The following ZNF615 variants were observed in gnomAD, a reference collection of about 807,000 sequenced individuals.
ZNF615 encodes the protein zinc finger protein 615.
Under a neutral mutation model 15.3 loss-of-function variants are expected in ZNF615, and 15 were observed. The ratio of observed to expected loss-of-function variants is 0.98; its 90% CI spans 0.66 to 1.51. The LOEUF is 1.51. ZNF615 is among the 40% of genes most tolerant of loss of function. The probability of loss-of-function intolerance (pLI) is 0.00; values close to 1 mark genes in which losing one functional copy is unlikely to be tolerated. For synonymous variants in ZNF615, 268 were observed against 294.6 expected (o/e 0.91, Z 0.92); for missense variants, 848 against 895.9 (o/e 0.95, Z 0.68).
Position 51,992,993 on chromosome 19 carries a change from G to A in ZNF615, c.2116C>T (p.Leu706Phe). The stretch of plus-strand genomic sequence containing the variant: ...GTATGTTTTCTTTGATGAACATTGA[G>A]CCCTGATTTTGTAGTGAAGGCTTTC... The part of the protein sequence containing the change: ...CGKAFTTKSG[L>F]NVHQRKHTGE... The change falls in exon 7 of 7, where the codon CTC becomes TTC. Residue 706 changes from leucine (L) to phenylalanine (F), a missense_variant. Leu to Phe is a conservative substitution (Grantham distance 22, BLOSUM62 0). Transcript: ENST00000598071. 2 of 1,614,140 alleles carry A rather than the reference G, an allele frequency of 1.2e-6. No individual in the cohort carries two copies. The highest frequency in any genetic ancestry group is 2.2e-5 in the South Asian group (2 of 91,078).
At chr19:52,008,105 C>T in intron 1 of ZNF615, 36 bp downstream of exon 1, 1 of 1,532,086 alleles carries the variant, frequency 6.5e-7, no homozygotes, top group Non-Finnish European at 8.7e-7. Context: ...ATTTCCTCCC[C>T]CGTCACCACA....
At position 52,007,288 on chromosome 19, in the gene ZNF615, C is replaced by T. The variant is rs2123097927; in HGVS notation, c.-190+5G>A. On this transcript the variant is annotated splice_donor_5th_base_variant and intron_variant, in intron 2 of 6. Coordinates refer to ENST00000598071, the MANE Select transcript of ZNF615 (RefSeq NM_001199324.2). ...CAAAGGTTATCTTTGAGTAACCGAG[C>T]TTACCATGGCAGAGATGTTATCTTA... is the stretch of plus-strand genomic sequence containing the variant. The T allele has an allele frequency of 7.8e-7, 1 of 1,288,204 alleles. No homozygotes were observed. The highest frequency in any genetic ancestry group is 5.6e-5 in the East Asian group (1 of 17,998). 79.8% of individuals were successfully genotyped at this position (1,288,204 alleles called of 1,614,324 possible).
Position 51,993,443 on chromosome 19 carries a change from A to G in ZNF615, c.1666T>C (p.Cys556Arg). The change falls in exon 7 of 7, where the codon TGT (cysteine) becomes CGT (arginine). Residue 556 changes from cysteine to arginine, a missense_variant. Coordinates refer to ENST00000598071, the MANE Select transcript of ZNF615 (RefSeq NM_001199324.2). ...TGEKPYICNE[C>R]GKGFTEKSHL... ...CTCTTCTCAGTGAAGCCTTTTCCACACTCATTGCAAATATAAGGTTTCTCT... is the reference window on the plus strand; with the variant it reads ...CTCTTCTCAGTGAAGCCTTTTCCACGCTCATTGCAAATATAAGGTTTCTCT... 2 of 1,613,918 alleles carry G rather than the reference A, an allele frequency of 1.2e-6. No homozygotes were observed. Among genetic ancestry groups the G allele is most frequent in the Non-Finnish European group, 8.5e-7 (1 of 1,179,988 alleles).
At chr19:51,996,407 A>AAAAAAC (rs755143397) in intron 6 of ZNF615, among the ~76,000 whole-genome samples, 18 of 138,382 alleles carry the variant, frequency 1.3e-4, no homozygotes, top group South Asian at 5.4e-4. Context: ...AAAAAAAAAA[A>AAAAAAC]ACGCAAAACT....
rs1190607976 is a variant in ZNF615, at chr19:51,993,347, A to C, written c.1762T>G (p.Leu588Val). 1.9e-6 allele frequency: 3 copies of C among 1,613,800 alleles called. No homozygotes were observed. Residue 588 changes from leucine to valine, a missense_variant, in exon 7 of 7, where the codon TTA (leucine) becomes GTA (valine). Coordinates refer to ENST00000598071, the MANE Select transcript of ZNF615 (RefSeq NM_001199324.2). ...GCAATGAGCATGCTTTTCCCAGTTA[A>C]GCCTTTGCCACATTCACTGCATACA... ...PYVCSECGKG[L>V]TGKSMLIAHQ...
chr19:52,004,763 C>A (rs2086701323), intron 2 of ZNF615: 1 of 152,028 alleles, frequency 6.6e-6, no homozygotes, highest in Non-Finnish European at 1.5e-5. Context: ...CAAAAATATC[C>A]TTGAGGAATT....
At position 51,994,857 on chromosome 19, in the gene ZNF615, T is replaced by C; in HGVS notation, c.272-20A>G. The C allele has an allele frequency of 6.4e-7, 1 of 1,559,920 alleles. No homozygotes were observed. ...TGATTTCTAGGAAAGAAGAGAACAG[T>C]CAATCACTCCATCATCTTGTTTTGA... is the stretch of plus-strand genomic sequence containing the variant. On this transcript the variant is annotated intron_variant, in intron 6 of 6. Transcript: ENST00000598071.
chr19:52,003,662 G>T, intron 3 of ZNF615, 35 bp downstream of exon 3: 3 of 1,575,030 alleles, frequency 1.9e-6, no homozygotes, highest in Non-Finnish European at 2.6e-6. Context: ...ATACATTGGA[G>T]AATAAAGGAA....
chr19:51,994,660 G>T lies in ZNF615; in HGVS notation c.449C>A (p.Ser150Ter). The T allele has an allele frequency of 6.2e-7, 1 of 1,612,944 alleles. No homozygotes were observed. Among genetic ancestry groups the T allele is most frequent in the Non-Finnish European group, 8.5e-7 (1 of 1,179,930 alleles). Residue 150 changes from serine (S) to a stop codon, truncating the protein, a stop_gained, in exon 7 of 7, where the codon TCA (serine) becomes TAA (stop). Transcript: ENST00000598071. LOFTEE classifies it low-confidence loss of function (END_TRUNC). Reference sequence around the variant, plus strand: ...TTTCTGGTTTTCAAAACTTAAATTTGATTTTAAAGGTTTTTCATGTAAGTC... The same window carrying T: ...TTTCTGGTTTTCAAAACTTAAATTTTATTTTAAAGGTTTTTCATGTAAGTC... Reference protein sequence around the residue: ...TFDLHEKPLKSNLSFENQKRS... With the variant: ...TFDLHEKPLK
chr19:52,002,888 A>G (rs1419550703), intron 3 of ZNF615, among the ~76,000 whole-genome samples: 1 of 151,292 alleles, frequency 6.6e-6, no homozygotes, highest in Non-Finnish European at 1.5e-5. Context: ...GTGCAGTGGC[A>G]CAATCTCGGC....
Position 51,992,855 on chromosome 19 carries a change from C to T in ZNF615, c.*25G>A. 1 of 1,609,498 alleles carries T rather than the reference C, an allele frequency of 6.2e-7. No individual in the cohort carries two copies. Among genetic ancestry groups the T allele is most frequent in the Non-Finnish European group, 8.5e-7 (1 of 1,176,642 alleles). On this transcript the variant is annotated 3_prime_UTR_variant, in exon 7 of 7. Transcript: ENST00000598071. Reference sequence around the variant, plus strand: ...TTGCAGATATCTTAAGGGCCTACATCTGGCAAGAGGCTTTCCCAAAATGAC... The same window carrying T: ...TTGCAGATATCTTAAGGGCCTACATTTGGCAAGAGGCTTTCCCAAAATGAC...
intron 6 of ZNF615, among the ~76,000 whole-genome samples, chr19:51,999,351 A>G (rs1182693160): frequency 6.6e-6 from 1 of 152,238 alleles, no homozygotes; most frequent in Non-Finnish European, 1.5e-5. Context: ...GTAGAAATTT[A>G]CAACTGATTC....
Position 51,994,683 on chromosome 19 carries a change from G to A in ZNF615, c.426C>T (p.Asp142=). Residue 142 remains aspartate (D), a synonymous_variant, in exon 7 of 7, where the codon GAC becomes GAT. Transcript: ENST00000598071. The part of the protein sequence containing the change: ...FLLKQDCDTF[D]LHEKPLKSNL... ...TTGATTTTAAAGGTTTTTCATGTAA[G>A]TCAAACGTATCACAATCTTGCTTCA... 1 of 1,613,458 alleles carries A rather than the reference G, an allele frequency of 6.2e-7. No individual in the cohort carries two copies. The highest frequency in any genetic ancestry group is 1.1e-5 in the South Asian group (1 of 91,006).
In ZNF615 at chr19:51,993,232, T is replaced by C; in HGVS notation, c.1877A>G (p.Gln626Arg). 6.2e-7 allele frequency: 1 copy of C among 1,614,208 alleles called. No homozygotes were observed. The highest frequency in any genetic ancestry group is 1.1e-5 in the South Asian group (1 of 91,082). ...TGGCTTCTCTCCAGTATGAGTTTGC[T>C]GATGTATACTGAGAGTACTCTTCAT... ...FTMKSTLSIH[Q>R]QTHTGEKPYK... Residue 626 changes from glutamine (Q) to arginine (R), a missense_variant, in exon 7 of 7, where the codon CAG (glutamine) becomes CGG (arginine). Gln to Arg is a conservative substitution (Grantham distance 43). Coordinates refer to ENST00000598071, the MANE Select transcript of ZNF615 (RefSeq NM_001199324.2).
rs1206209838 is a variant in ZNF615, at chr19:51,992,828, C to A, written c.*52G>T. ...AGTCTGCATTCATGAAATTACTCTT[C>A]TTTGCAGATATCTTAAGGGCCTACA... On this transcript the variant is annotated 3_prime_UTR_variant, in exon 7 of 7. Transcript: ENST00000598071. The A allele has an allele frequency of 6.3e-7, 1 of 1,576,708 alleles. No homozygotes were observed. Among genetic ancestry groups the A allele is most frequent in the Non-Finnish European group, 8.6e-7 (1 of 1,158,134 alleles).
chr19:51,993,532 C>G lies in ZNF615; in HGVS notation c.1577G>C (p.Gly526Ala). 1 of 1,613,444 alleles carries G rather than the reference C, an allele frequency of 6.2e-7. No individual in the cohort carries two copies. Among genetic ancestry groups the G allele is most frequent in the East Asian group, 2.2e-5 (1 of 44,804 alleles). The change falls in exon 7 of 7, where the codon GGT (glycine) becomes GCT (alanine). Residue 526 changes from glycine to alanine, a missense_variant. Coordinates refer to ENST00000598071, the MANE Select transcript of ZNF615 (RefSeq NM_001199324.2). ...THTGEKPYVC[G>A]ECGKGFPAKI... ...TGCTGGAAAGCCTTTTCCACACTCACCACATACATAGGGTTTTTCTCCAGT... is the reference window on the plus strand; with the variant it reads ...TGCTGGAAAGCCTTTTCCACACTCAGCACATACATAGGGTTTTTCTCCAGT...
intron 6 of ZNF615, 45 bp downstream of exon 6, chr19:52,000,301 T>C: frequency 1.7e-6 from 1 of 586,316 alleles, no homozygotes; most frequent in South Asian, 2.3e-5. Flanking sequence ...AGGATTGAGC[T>C]TCTAGTGAAT....
In ZNF615 at chr19:52,003,891, C is replaced by G; in HGVS notation, c.-180G>C. 2 of 1,404,310 alleles carry G rather than the reference C, an allele frequency of 1.4e-6. No homozygotes were observed. Among genetic ancestry groups the G allele is most frequent in the Non-Finnish European group, 1.8e-6 (2 of 1,081,696 alleles). The allele number at this position is 1,404,310 out of a possible 1,614,324, so 87.0% of individuals were successfully genotyped here. On this transcript the variant is annotated 5_prime_UTR_variant, in exon 3 of 7. Transcript: ENST00000598071. ...TTCACTTGATTTCTCTTGTTCTCAG[C>G]ACCTGTGGGCTGAAGAGCAAATTAC...
chr19:51,998,947 G>A (rs1364061997), intron 6 of ZNF615, among the ~76,000 whole-genome samples: 2 of 152,106 alleles, frequency 1.3e-5, no homozygotes, highest in Admixed American at 6.5e-5. Flanking sequence ...GAGCCACCGC[G>A]CCCAGCCCAA....
Sources: gnomAD v4.1 joint callset for allele counts (sites outside exome capture counted in the v4.1 genomes callset) on GRCh38, gnomAD v4.1.1 for gene constraint, MANE v1.5 for transcripts, NCBI Gene and HGNC (gene_info 2026-07-23, HGNC 2026-07-21) for gene names.